The following ANKS1B variants were observed in gnomAD, a reference collection of about 807,000 sequenced individuals.
The protein encoded by ANKS1B is ankyrin repeat and sterile alpha motif domain containing 1B, also known as ankyrin repeat and sterile alpha motif domain-containing protein 1B.
A neutral mutation model predicts 148.3 loss-of-function variants in ANKS1B; 36 were observed. That is an observed-to-expected ratio of 0.24 (90% confidence interval 0.19 to 0.32). ANKS1B has a LOEUF of 0.32. Ranked by LOEUF, ANKS1B falls within the 10% of genes least tolerant of loss-of-function variation. The pLI, the probability that ANKS1B is intolerant of heterozygous loss-of-function variation, is 1.00. For synonymous variants in ANKS1B, 542 were observed against 560.8 expected (o/e 0.97, Z 0.47); for missense variants, 1,157 against 1,542.6 (o/e 0.75, Z 4.19).
intron 12 of ANKS1B, among the ~76,000 whole-genome samples, chr12:99,333,415 C>T (rs74317970): frequency 0.031 from 4,717 of 152,114 alleles, 97 homozygotes; most frequent in Non-Finnish European, 0.05. Flanking sequence ...TTTAGGATAC[C>T]ACAATTTCAT....
intron 22 of ANKS1B, among the ~76,000 whole-genome samples, chr12:98,797,001 A>T (rs2098955766): frequency 6.6e-6 from 1 of 152,226 alleles, no homozygotes; most frequent in Non-Finnish European, 1.5e-5. Context: ...ATCACACCGG[A>T]GTAGCTGGTC....
intron 12 of ANKS1B, among the ~76,000 whole-genome samples, chr12:99,309,692 G>A (rs542482222): frequency 1.2e-4 from 18 of 151,990 alleles, no homozygotes; most frequent in Non-Finnish European, 2.4e-4. Flanking sequence ...TTTATTTCAG[G>A]ACAATCACTG....
At chr12:99,358,367 A>G (rs2092205210) in intron 12 of ANKS1B, among the ~76,000 whole-genome samples, 1 of 152,094 alleles carries the variant, frequency 6.6e-6, no homozygotes, top group Non-Finnish European at 1.5e-5. Flanking sequence ...ACTATTCTCA[A>G]TATCATTTGT....
At chr12:99,810,862 T>C (rs2068266488) in intron 3 of ANKS1B, among the ~76,000 whole-genome samples, 1 of 152,010 alleles carries the variant, frequency 6.6e-6, no homozygotes, top group Non-Finnish European at 1.5e-5. Context: ...TGCTTTGCAG[T>C]ATTCAGACAA....
intron 17 of ANKS1B, among the ~76,000 whole-genome samples, chr12:98,951,234 T>C (rs577812267): frequency 6.6e-5 from 10 of 152,348 alleles, no homozygotes; most frequent in Non-Finnish European, 1.5e-4. Flanking sequence ...TACATTTGTC[T>C]TTGACTTTGA....
rs79985241 is a variant in ANKS1B, at chr12:98,750,141, G to T, written c.3747+1214C>A. Among the ~76,000 whole-genome samples, 996 of 152,268 alleles carry T rather than the reference G, an allele frequency of 6.5e-3. 15 individuals are homozygous for T. The highest frequency in any genetic ancestry group is 0.022 in the African/African-American group (931 of 41,544). Reference sequence around the variant, plus strand: ...TGGCCACGTGAGTCTGGAATTGGGGGGTGCCCAGGGCTGGAGATACAGAAC... The same window carrying T: ...TGGCCACGTGAGTCTGGAATTGGGGTGTGCCCAGGGCTGGAGATACAGAAC... On this transcript the variant is annotated intron_variant, in intron 26 of 26. Coordinates refer to ENST00000683438, the MANE Select transcript of ANKS1B (RefSeq NM_001352186.2).
At chr12:98,773,680 T>C (rs2098631181) in intron 24 of ANKS1B, among the ~76,000 whole-genome samples, 1 of 152,206 alleles carries the variant, frequency 6.6e-6, no homozygotes, top group Non-Finnish European at 1.5e-5. Context: ...GGTCTTGAAC[T>C]CCTGACCTCA....
chr12:99,549,572 C>T (rs2097200181), intron 9 of ANKS1B, among the ~76,000 whole-genome samples: 1 of 152,194 alleles, frequency 6.6e-6, no homozygotes, highest in Non-Finnish European at 1.5e-5. Flanking sequence ...TTGTCCAACA[C>T]TTTCATGAAT....
At chr12:98,831,074 A>G (rs1465429257) in intron 18 of ANKS1B, 1 of 147,906 alleles carries the variant, frequency 6.8e-6, no homozygotes, top group Non-Finnish European at 1.5e-5. Flanking sequence ...CAGCCTCCCG[A>G]GTAGCTGGGA....
At chr12:99,158,044 A>T (rs1222812494) in intron 14 of ANKS1B, among the ~76,000 whole-genome samples, 2 of 151,864 alleles carry the variant, frequency 1.3e-5, no homozygotes, top group Non-Finnish European at 2.9e-5. Flanking sequence ...GAGCTGGGAG[A>T]GGATGGGGTG....
intron 12 of ANKS1B, among the ~76,000 whole-genome samples, chr12:99,253,241 C>T (rs1199473082): frequency 6.7e-6 from 1 of 149,982 alleles, no homozygotes; most frequent in South Asian, 2.1e-4. Context: ...AAAAAAAAGG[C>T]AGTGGGGGTG....
At chr12:99,796,498 G>C (rs997736795) in intron 4 of ANKS1B, among the ~76,000 whole-genome samples, 1 of 151,848 alleles carries the variant, frequency 6.6e-6, no homozygotes, top group Non-Finnish European at 1.5e-5. Flanking sequence ...AAAGCAGATG[G>C]AGCAAACCTG....
chr12:99,120,782 G>A (rs2062592102), intron 15 of ANKS1B, among the ~76,000 whole-genome samples: 2 of 152,132 alleles, frequency 1.3e-5, no homozygotes. Context: ...GTGGATTTGA[G>A]GTCCCTGGGG....
chr12:99,187,201 C>G (rs1177274798), intron 14 of ANKS1B, among the ~76,000 whole-genome samples: 1 of 151,356 alleles, frequency 6.6e-6, no homozygotes, highest in Non-Finnish European at 1.5e-5. Context: ...AAAGACCAAA[C>G]CTACGTTTGG....
At chr12:98,887,346 C>G (rs1368891801) in intron 17 of ANKS1B, among the ~76,000 whole-genome samples, 1 of 152,120 alleles carries the variant, frequency 6.6e-6, no homozygotes, top group African/African-American at 2.4e-5. Context: ...TTCCCATGCC[C>G]TGGAAGGGGT....
At chr12:99,965,757 C>T (rs1276370029) in intron 1 of ANKS1B, among the ~76,000 whole-genome samples, 1 of 152,130 alleles carries the variant, frequency 6.6e-6, no homozygotes, top group Non-Finnish European at 1.5e-5. Flanking sequence ...AACCCCGTCT[C>T]TACTAAAAAT....
At chr12:99,364,006 C>G (rs1217526531) in intron 12 of ANKS1B, among the ~76,000 whole-genome samples, 1 of 152,100 alleles carries the variant, frequency 6.6e-6, no homozygotes, top group Non-Finnish European at 1.5e-5. Flanking sequence ...GGGGAGGGCT[C>G]TGAAGCCAGC....
In ANKS1B at chr12:99,105,662, G is replaced by A. The variant is rs1029517636; in HGVS notation, c.2527-20639C>T. On this transcript the variant is annotated intron_variant, in intron 15 of 26. Transcript: ENST00000683438. ...CGGGTGCCTGTAGTCCCAGCTACTC[G>A]GTAGGCTGAGGCAGGAGAATAGCGT... is the stretch of plus-strand genomic sequence containing the variant. 9.3e-5 allele frequency among the ~76,000 whole-genome samples: 14 copies of A among 150,274 alleles called. No individual in the cohort carries two copies. In the South Asian group the frequency reaches 1.9e-3, roughly 20 times the overall value.
chr12:99,682,364 C>T (rs1479324856), intron 8 of ANKS1B, among the ~76,000 whole-genome samples: 1 of 152,066 alleles, frequency 6.6e-6, no homozygotes, highest in Admixed American at 6.6e-5. Flanking sequence ...TATGATAGGC[C>T]ACAAAACAAA....
Sources: allele counts gnomAD v4.1 joint callset (sites outside exome capture counted in the v4.1 genomes callset), GRCh38; gene constraint gnomAD v4.1.1; transcripts MANE v1.5; gene names NCBI Gene and HGNC (gene_info 2026-07-23, HGNC 2026-07-21).